HS6ST3: variants seen among roughly 807,000 people sequenced by gnomAD.
The protein encoded by HS6ST3 is heparan-sulfate 6-O-sulfotransferase 3.
In HS6ST3, 12 loss-of-function variants were observed where a neutral mutation model predicts 36.7. The ratio of observed to expected loss-of-function variants is 0.33; its 90% CI spans 0.21 to 0.53. HS6ST3 has a LOEUF of 0.53. Among genes scored for constraint, HS6ST3 ranks in the 20% least tolerant of loss-of-function variants. The pLI, the probability that HS6ST3 is intolerant of heterozygous loss-of-function variation, is 0.95. For synonymous variants in HS6ST3, 240 were observed against 257.5 expected (o/e 0.93, Z 0.65); for missense variants, 584 against 640.9 (o/e 0.91, Z 0.96).
intron 1 of HS6ST3, among the ~76,000 whole-genome samples, chr13:96,799,698 G>A (rs1378590544): frequency 6.6e-6 from 1 of 150,776 alleles, no homozygotes; most frequent in Non-Finnish European, 1.5e-5. Flanking sequence ...GAGTTAGTGG[G>A]TGCAGCGCAC....
At chr13:96,223,120 G>T (rs1435906653) in intron 1 of HS6ST3, among the ~76,000 whole-genome samples, 1 of 152,194 alleles carries the variant, frequency 6.6e-6, no homozygotes, top group Non-Finnish European at 1.5e-5. Context: ...GGAATACTTG[G>T]TTTCATGAGA....
At chr13:96,389,094 AAATT>A (rs2055382989) in intron 1 of HS6ST3, among the ~76,000 whole-genome samples, 1 of 152,196 alleles carries the variant, frequency 6.6e-6, no homozygotes, top group Admixed American at 6.5e-5. Context: ...TAGAGATAGA[AAATT>A]AATCCATAGT....
intron 1 of HS6ST3, among the ~76,000 whole-genome samples, chr13:96,687,404 G>A (rs1399858544): frequency 2.6e-5 from 4 of 151,938 alleles, no homozygotes; most frequent in Admixed American, 2.6e-4. Context: ...TTGAATTTGG[G>A]CAACTTATGT....
chr13:96,399,461 A>G (rs1240008316), intron 1 of HS6ST3, among the ~76,000 whole-genome samples: 1 of 152,270 alleles, frequency 6.6e-6, no homozygotes, highest in Non-Finnish European at 1.5e-5. Flanking sequence ...ACAACATTGC[A>G]TAGCCTCTAT....
intron 1 of HS6ST3, among the ~76,000 whole-genome samples, chr13:96,702,289 G>A (rs1875309172): frequency 6.6e-6 from 1 of 152,172 alleles, no homozygotes. Flanking sequence ...AATCCAAAAG[G>A]AGTCTGCTTT....
At chr13:96,331,715 G>C (rs1162343229) in intron 1 of HS6ST3, among the ~76,000 whole-genome samples, 5 of 152,264 alleles carry the variant, frequency 3.3e-5, no homozygotes, top group Admixed American at 2.6e-4. Context: ...CCACCCAGTT[G>C]GAGCTTCCCG....
At chr13:96,765,933 G>T (rs1877101672) in intron 1 of HS6ST3, among the ~76,000 whole-genome samples, 1 of 152,162 alleles carries the variant, frequency 6.6e-6, no homozygotes, top group Non-Finnish European at 1.5e-5. Context: ...CAGGATAGCA[G>T]TTGATTTTTA....
chr13:96,630,101 TA>T (rs1008045889), intron 1 of HS6ST3, among the ~76,000 whole-genome samples: 7 of 152,304 alleles, frequency 4.6e-5, no homozygotes, highest in East Asian at 1.9e-4. Flanking sequence ...CTTACTTTGT[TA>T]AAAAAATATT....
At chr13:96,263,712 G>T (rs114335277) in intron 1 of HS6ST3, among the ~76,000 whole-genome samples, 1 of 152,246 alleles carries the variant, frequency 6.6e-6, no homozygotes, top group South Asian at 2.1e-4. Flanking sequence ...TATAGATAGC[G>T]GAAGCCAAGA....
chr13:96,461,228 C>A (rs2055782556), intron 1 of HS6ST3, among the ~76,000 whole-genome samples: 1 of 152,062 alleles, frequency 6.6e-6, no homozygotes, highest in South Asian at 2.1e-4. Context: ...TTTTTATGTG[C>A]CAGACGTTGG....
chr13:96,581,821 GA>G (rs1202055437), intron 1 of HS6ST3, among the ~76,000 whole-genome samples: 1 of 152,102 alleles, frequency 6.6e-6, no homozygotes, highest in Admixed American at 6.5e-5. Context: ...GGGGAGCAGG[GA>G]AAAAAAGGAG....
Position 96,091,226 on chromosome 13 carries a change from C to T in HS6ST3, c.364C>T (p.Arg122Ter). 6.3e-7 allele frequency: 1 copy of T among 1,583,208 alleles called. No homozygotes were observed. Among genetic ancestry groups the T allele is most frequent in the Non-Finnish European group, 8.6e-7 (1 of 1,164,280 alleles). Reference protein sequence around the residue: ...PEAPENGSLPRFVPRFNFSLK... With the variant: ...PEAPENGSLP ...GGCCCCGGAAAACGGCTCCCTGCCC[C>T]GATTCGTGCCGCGCTTCAACTTCAG... The change falls in exon 1 of 2, where the codon CGA becomes TGA. Residue 122 changes from arginine to a stop codon, truncating the protein, a stop_gained. Transcript: ENST00000376705. LOFTEE classifies it high-confidence loss of function.
At chr13:96,565,195 A>T (rs1452546783) in intron 1 of HS6ST3, among the ~76,000 whole-genome samples, 2 of 152,116 alleles carry the variant, frequency 1.3e-5, no homozygotes, top group African/African-American at 4.8e-5. Flanking sequence ...ACAGGAGAGG[A>T]GGCAATAGCT....
chr13:96,214,069 C>A (rs1229877191), intron 1 of HS6ST3, among the ~76,000 whole-genome samples: 1 of 152,152 alleles, frequency 6.6e-6, no homozygotes, highest in Non-Finnish European at 1.5e-5. Flanking sequence ...GAGTTACTAA[C>A]TTGAATTTGG....
At chr13:96,190,960 A>C (rs1461685717) in intron 1 of HS6ST3, among the ~76,000 whole-genome samples, 1 of 152,106 alleles carries the variant, frequency 6.6e-6, no homozygotes. Flanking sequence ...GGACCCAGAC[A>C]TGATAGGCTA....
At chr13:96,615,902 T>A (rs2138991593) in intron 1 of HS6ST3, among the ~76,000 whole-genome samples, 1 of 152,356 alleles carries the variant, frequency 6.6e-6, no homozygotes, top group Non-Finnish European at 1.5e-5. Context: ...AGTGATCCAC[T>A]TCTAGGAGGA....
chr13:96,814,071 C>T (rs1878372490), intron 1 of HS6ST3, among the ~76,000 whole-genome samples: 1 of 152,082 alleles, frequency 6.6e-6, no homozygotes, highest in Admixed American at 6.6e-5. Flanking sequence ...ATTTGCTCTC[C>T]TGTATGTTTC....
chr13:96,355,784 C>T (rs1235374860), intron 1 of HS6ST3, among the ~76,000 whole-genome samples: 1 of 152,112 alleles, frequency 6.6e-6, no homozygotes, highest in Non-Finnish European at 1.5e-5. Flanking sequence ...ATTGACTCTT[C>T]CTTTCACAAA....
chr13:96,694,351 T>C (rs559407920), intron 1 of HS6ST3, among the ~76,000 whole-genome samples: 24 of 152,210 alleles, frequency 1.6e-4, no homozygotes, highest in Non-Finnish European at 3.1e-4. Flanking sequence ...ATCTCATTCT[T>C]TTTTATAGCG....
Sources: gnomAD v4.1 joint callset for allele counts (sites outside exome capture counted in the v4.1 genomes callset) on GRCh38, gnomAD v4.1.1 for gene constraint, MANE v1.5 for transcripts, NCBI Gene and HGNC (gene_info 2026-07-23, HGNC 2026-07-21) for gene names.